KIAA1217: variants seen among roughly 807,000 people sequenced by gnomAD.
KIAA1217 encodes the protein KIAA1217, also known as sickle tail protein homolog.
A neutral mutation model predicts 163.9 loss-of-function variants in KIAA1217; 88 were observed. The ratio of observed to expected loss-of-function variants is 0.54; its 90% CI spans 0.45 to 0.64. KIAA1217 has a LOEUF of 0.64. KIAA1217 is among the 30% of genes least tolerant of loss of function. The pLI, the probability that KIAA1217 is intolerant of heterozygous loss-of-function variation, is 0.00. For synonymous variants in KIAA1217, 903 were observed against 923.1 expected, an observed-to-expected ratio of 0.98 and a Z score of 0.39; for missense variants, 2,372 against 2,475.0, an observed-to-expected ratio of 0.96 and a Z score of 0.88.
intron 1 of KIAA1217, among the ~76,000 whole-genome samples, chr10:23,913,278 C>A (rs976805925): frequency 3.9e-5 from 6 of 152,128 alleles, no homozygotes; most frequent in African/African-American, 1.2e-4. Context: ...AGTTGTCATA[C>A]TGAATCAATC....
At chr10:23,931,947 TG>T (rs199920706) in intron 1 of KIAA1217, among the ~76,000 whole-genome samples, 3 of 151,728 alleles carry the variant, frequency 2.0e-5, no homozygotes, top group African/African-American at 7.3e-5. Context: ...GGACAAAAAA[TG>T]GGGCCAGTTA....
intron 2 of KIAA1217, among the ~76,000 whole-genome samples, chr10:24,131,916 T>A (rs917517540): frequency 6.6e-6 from 1 of 152,200 alleles, no homozygotes; most frequent in Non-Finnish European, 1.5e-5. Context: ...GTAGACATAA[T>A]CACCATAAAC....
chr10:24,486,329 G>A (rs1369736725), intron 6 of KIAA1217, among the ~76,000 whole-genome samples: 1 of 152,222 alleles, frequency 6.6e-6, no homozygotes, highest in Non-Finnish European at 1.5e-5. Context: ...TGACACACAA[G>A]TAGGGAGAAT....
At chr10:24,056,050 G>T (rs929072847) in intron 2 of KIAA1217, among the ~76,000 whole-genome samples, 2 of 151,922 alleles carry the variant, frequency 1.3e-5, no homozygotes, top group South Asian at 4.2e-4. Flanking sequence ...CAAAAAAAAA[G>T]CTCCAATGCA....
chr10:23,871,826 C>T (rs1840469563), intron 1 of KIAA1217, among the ~76,000 whole-genome samples: 1 of 152,050 alleles, frequency 6.6e-6, no homozygotes, highest in Admixed American at 6.6e-5. Flanking sequence ...TTGCTCATAG[C>T]ATCAAGAGTA....
In KIAA1217 at chr10:24,285,858, G is replaced by A. The variant is rs552343938; in HGVS notation, c.354+65949G>A. 3.2e-3 allele frequency among the ~76,000 whole-genome samples: 482 copies of A among 152,156 alleles called. 3 individuals carry two copies. Among genetic ancestry groups the A allele is most frequent in the African/African-American group, 0.011 (462 of 41,546 alleles). On this transcript the variant is annotated intron_variant, in intron 2 of 20. Coordinates refer to ENST00000376454, the MANE Select transcript of KIAA1217 (RefSeq NM_019590.5). ...ATGGAATGTTTTTCCATTTGCTTGT[G>A]TTGTCCATGATTTCTTTCAGCAGTG...
In KIAA1217 at chr10:24,545,664, C is replaced by G. The variant is rs1338119811; in HGVS notation, c.5335-163C>G. On this transcript the variant is annotated intron_variant, in intron 20 of 20. Coordinates refer to ENST00000376454, the MANE Select transcript of KIAA1217 (RefSeq NM_019590.5). Reference sequence around the variant, plus strand: ...TTGCTATGTACATGGGGGGTTTCTACCAGGTCCAGTAGAGCACAACAAGAC... The same window carrying G: ...TTGCTATGTACATGGGGGGTTTCTAGCAGGTCCAGTAGAGCACAACAAGAC... The G allele has an allele frequency of 8.4e-6, 12 of 1,430,018 alleles. No individual in the cohort carries two copies. In the Admixed American group the frequency reaches 2.8e-4, roughly 33 times the overall value. The allele number at this position is 1,430,018 out of a possible 1,614,324, so 88.6% of individuals were successfully genotyped here. A position where few individuals can be genotyped will look rare whatever the true frequency, so the allele number is the denominator to read the frequency against.
intron 1 of KIAA1217, among the ~76,000 whole-genome samples, chr10:23,949,832 G>A (rs1166037017): frequency 1.3e-5 from 2 of 152,084 alleles, no homozygotes; most frequent in African/African-American, 4.8e-5. Context: ...CTGAACCATC[G>A]TCAGATGTAT....
rs190130114 is a variant in KIAA1217, at chr10:24,356,952, A to T, written c.355-23917A>T. On this transcript the variant is annotated intron_variant, in intron 2 of 20. Coordinates refer to ENST00000376454, the MANE Select transcript of KIAA1217 (RefSeq NM_019590.5). ...CCAAAAAGGTTTAATCCAAGTCTTC[A>T]TTTTAATGCATAAGGAAATTAAGGG... Among the ~76,000 whole-genome samples, 22 of 152,360 alleles carry T rather than the reference A, an allele frequency of 1.4e-4. No individual in the cohort carries two copies. The East Asian group carries it at 4.0e-3, about 28-fold the overall frequency.
At chr10:23,883,513 A>T (rs973538399) in intron 1 of KIAA1217, among the ~76,000 whole-genome samples, 1 of 151,946 alleles carries the variant, frequency 6.6e-6, no homozygotes, top group Non-Finnish European at 1.5e-5. Flanking sequence ...AACTGAGTAG[A>T]GGGTACAGAG....
At chr10:24,430,350 G>T (rs758504421) in intron 3 of KIAA1217, among the ~76,000 whole-genome samples, 6 of 152,104 alleles carry the variant, frequency 3.9e-5, no homozygotes, top group Non-Finnish European at 8.8e-5. Context: ...GTGATGGGTG[G>T]CTACCTGGCT....
chr10:23,735,014 T>C (rs957230809), intron 1 of KIAA1217, among the ~76,000 whole-genome samples: 4 of 152,040 alleles, frequency 2.6e-5, no homozygotes, highest in African/African-American at 9.7e-5. Flanking sequence ...CTAAAGAAAA[T>C]ATCACAATTT....
At chr10:24,418,643 C>T (rs539551328) in intron 3 of KIAA1217, among the ~76,000 whole-genome samples, 35 of 152,314 alleles carry the variant, frequency 2.3e-4, no homozygotes, top group Admixed American at 2.2e-3. Flanking sequence ...GGCAGTTTCT[C>T]ACTAAAGTCC....
At chr10:24,516,052 CA>C (rs1304517327) in intron 10 of KIAA1217, among the ~76,000 whole-genome samples, 1 of 152,202 alleles carries the variant, frequency 6.6e-6, no homozygotes, top group Non-Finnish European at 1.5e-5. Flanking sequence ...GCATGGATAT[CA>C]GAGCAAGACT....
At chr10:23,816,681 G>A (rs1321387086) in intron 1 of KIAA1217, among the ~76,000 whole-genome samples, 2 of 152,168 alleles carry the variant, frequency 1.3e-5, no homozygotes, top group African/African-American at 4.8e-5. Flanking sequence ...AAGAGTGATG[G>A]TGTGAGAAAT....
In KIAA1217 at chr10:23,790,566, T is replaced by TATATGTACATATATAC. The variant is rs1554795226; in HGVS notation, c.-321+95336_-321+95337insGTACATATATACATAT. 2.5e-4 allele frequency among the ~76,000 whole-genome samples: 19 copies of TATATGTACATATATAC among 76,700 alleles called. 5 individuals are homozygous for TATATGTACATATATAC. The highest frequency in any genetic ancestry group is 1.8e-3 in the African/African-American group (18 of 10,010). The allele number at this position is 76,700 out of a possible 152,430, so 50.3% of individuals were successfully genotyped here. Reference sequence around the variant, plus strand: ...GTGCATATATACATATGTACATATGTATATATACATATGTATATGTACATA... The same window carrying TATATGTACATATATAC: ...GTGCATATATACATATGTACATATGTATATGTACATATATACATATATACATATGTATATGTACATA... On this transcript the variant is annotated intron_variant, in intron 1 of 18. Transcript: ENST00000376462.
chr10:24,041,164 T>C (rs1253144846), intron 2 of KIAA1217, among the ~76,000 whole-genome samples: 3 of 152,220 alleles, frequency 2.0e-5, no homozygotes, highest in Non-Finnish European at 2.9e-5. Context: ...AGAACCTTTT[T>C]ATAGTTCATA....
chr10:24,250,698 C>G (rs2074403562), intron 2 of KIAA1217, among the ~76,000 whole-genome samples: 1 of 90,414 alleles, frequency 1.1e-5, no homozygotes, highest in African/African-American at 4.4e-5. Flanking sequence ...CACCCCCCGC[C>G]CCTCGGCCTC....
chr10:24,479,509 G>A lies in KIAA1217; in HGVS notation c.1679+5449G>A, dbSNP rs1328883890. 4.6e-5 allele frequency among the ~76,000 whole-genome samples: 7 copies of A among 152,110 alleles called. No individual in the cohort carries two copies. The East Asian group carries it at 7.7e-4, about 17-fold the overall frequency. On this transcript the variant is annotated intron_variant, in intron 6 of 20. Transcript: ENST00000376454. Reference sequence around the variant, plus strand: ...CCTAAGTAGTTACAGTTAGCATCTCGGTAAAGCAGAGTTTCTTAACCTCTG... The same window carrying A: ...CCTAAGTAGTTACAGTTAGCATCTCAGTAAAGCAGAGTTTCTTAACCTCTG...
Sources: gnomAD v4.1 joint callset for allele counts (sites outside exome capture counted in the v4.1 genomes callset) on GRCh38, gnomAD v4.1.1 for gene constraint, MANE v1.5 for transcripts, NCBI Gene and HGNC (gene_info 2026-07-23, HGNC 2026-07-21) for gene names.